The following ADAMTS2 variants were observed in gnomAD, a reference collection of about 807,000 sequenced individuals.
ADAMTS2 encodes the protein ADAM metallopeptidase with thrombospondin type 1 motif 2, also known as A disintegrin and metalloproteinase with thrombospondin motifs 2.
A neutral mutation model predicts 123.0 loss-of-function variants in ADAMTS2; 50 were observed. That is an observed-to-expected ratio of 0.41 (90% CI 0.32 to 0.51). ADAMTS2 has a LOEUF of 0.51. Among genes scored for constraint, ADAMTS2 ranks in the 20% least tolerant of loss-of-function variants. The probability of loss-of-function intolerance (pLI) is 0.35; values close to 1 mark genes in which losing one functional copy is unlikely to be tolerated. For synonymous variants in ADAMTS2, 678 were observed against 695.4 expected (o/e 0.98, Z 0.39); for missense variants, 1,494 against 1,705.2 (o/e 0.88, Z 2.18).
In ADAMTS2 at chr5:179,242,778, C is replaced by T. The variant is rs888689924; in HGVS notation, c.688+30133G>A. On this transcript the variant is annotated intron_variant, in intron 3 of 21. Coordinates refer to ENST00000251582, the MANE Select transcript of ADAMTS2 (RefSeq NM_014244.5). The surrounding 1 kb of genome is among the most constrained non-coding windows in gnomAD (Gnocchi z 4.2). ...TCCCTCAGATCCCAGTCAAGGAATA[C>T]AGTATTTCACCAGGATAGATGGGCC... 3.3e-5 allele frequency among the ~76,000 whole-genome samples: 5 copies of T among 152,100 alleles called. No individual in the cohort carries two copies. The highest frequency in any genetic ancestry group is 4.8e-5 in the African/African-American group (2 of 41,414).
At chr5:179,251,154 T>C (rs894096782) in intron 3 of ADAMTS2, among the ~76,000 whole-genome samples, 6 of 152,178 alleles carry the variant, frequency 3.9e-5, no homozygotes, top group Admixed American at 2.0e-4. Context: ...AATTGTGCCA[T>C]CTCTGAGCCT....
Position 179,272,804 on chromosome 5 carries a change from C to T in ADAMTS2, c.688+107G>A, listed in dbSNP as rs1766575583. 3 of 1,418,898 alleles carry T rather than the reference C, an allele frequency of 2.1e-6. No homozygotes were observed. The highest frequency in any genetic ancestry group is 1.9e-6 in the Non-Finnish European group (2 of 1,054,716). The allele number at this position is 1,418,898 out of a possible 1,614,324, so 87.9% of individuals were successfully genotyped here. The stretch of plus-strand genomic sequence containing the variant: ...CACTGAGACCGGGGCTCAGCCTCAG[C>T]AGCCAAGCTGGTCTGTGGAGAGCTG... On this transcript the variant is annotated intron_variant, in intron 3 of 21. Coordinates refer to ENST00000251582, the MANE Select transcript of ADAMTS2 (RefSeq NM_014244.5). The surrounding 1 kb of genome is among the most constrained non-coding windows in gnomAD (Gnocchi z 5.8).
chr5:179,179,234 A>G (rs1247939336), intron 5 of ADAMTS2, among the ~76,000 whole-genome samples: 1 of 147,380 alleles, frequency 6.8e-6, no homozygotes, highest in Non-Finnish European at 1.5e-5. Context: ...GGTGTGAGCG[A>G]CCATGCCTGG....
At chr5:179,211,816 G>T (rs1764856881) in intron 3 of ADAMTS2, among the ~76,000 whole-genome samples, 1 of 152,174 alleles carries the variant, frequency 6.6e-6, no homozygotes, top group Non-Finnish European at 1.5e-5. Flanking sequence ...GAGTCTCCAG[G>T]CAGGGGTGTG....
chr5:179,287,368 A>T (rs953453245), intron 2 of ADAMTS2, among the ~76,000 whole-genome samples: 8 of 152,190 alleles, frequency 5.3e-5, no homozygotes, highest in Non-Finnish European at 1.0e-4. Context: ...AGAATGCTGC[A>T]CAGCCGGTGG....
chr5:179,208,667 C>T (rs1050515792), intron 3 of ADAMTS2, among the ~76,000 whole-genome samples: 11 of 152,196 alleles, frequency 7.2e-5, no homozygotes, highest in African/African-American at 2.7e-4. Context: ...GTCTGAAGGC[C>T]ACAGCAAGGC....
chr5:179,255,169 GAATGAATGGATA>G (rs1020877211), intron 3 of ADAMTS2, among the ~76,000 whole-genome samples: 4 of 152,156 alleles, frequency 2.6e-5, no homozygotes, highest in African/African-American at 9.7e-5. Context: ...CACGATGGAT[GAATGAATGGATA>G]AATGATTGGA....
rs922847464 is a variant in ADAMTS2, at chr5:179,317,971, C to T, written c.534+25796G>A. On this transcript the variant is annotated intron_variant, in intron 2 of 21. Coordinates refer to ENST00000251582, the MANE Select transcript of ADAMTS2 (RefSeq NM_014244.5). This position sits in a 1 kb window ranked among gnomAD's most constrained non-coding sequence, Gnocchi z 4.9. ...TGGGGTGGAGCCGGGACATGAGGAA[C>T]GGGCAGTGATGAATCTGAAGCCCTG... is the stretch of plus-strand genomic sequence containing the variant. Among the ~76,000 whole-genome samples, 2 of 152,140 alleles carry T rather than the reference C, an allele frequency of 1.3e-5. No homozygotes were observed. The highest frequency in any genetic ancestry group is 4.1e-4 in the South Asian group (2 of 4,824).
rs187002178 is a variant in ADAMTS2 at position 179,234,990 on chromosome 5, G to A, written c.689-27275C>T. Among the ~76,000 whole-genome samples, 18 of 152,272 alleles carry A rather than the reference G, an allele frequency of 1.2e-4. No homozygotes were observed. The highest frequency in any genetic ancestry group is 9.8e-4 in the Admixed American group (15 of 15,288). On this transcript the variant is annotated intron_variant, in intron 3 of 21. Transcript: ENST00000251582. The surrounding 1 kb of genome is among the most constrained non-coding windows in gnomAD (Gnocchi z 4.7). ...AGGGACCTGCTCATGTTCCCGCAAC[G>A]CCCTTACAGCCATGGGTCCGAGAAA...
rs1055285449 is a variant in ADAMTS2, at chr5:179,175,812, A to C, written c.975+5260T>G. On this transcript the variant is annotated intron_variant, in intron 5 of 21. Transcript: ENST00000251582. The surrounding 1 kb of genome is among the most constrained non-coding windows in gnomAD (Gnocchi z 4.1). ...TAGGATTTTCAGAACCACAGTAACT[A>C]GTTTATGGGTCTTTTTTGTTTGTTT... Among the ~76,000 whole-genome samples, 2 of 152,176 alleles carry C rather than the reference A, an allele frequency of 1.3e-5. No homozygotes were observed. Among genetic ancestry groups the C allele is most frequent in the African/African-American group, 4.8e-5 (2 of 41,442 alleles).
Position 179,207,474 on chromosome 5 carries a change from C to CGG in ADAMTS2, c.891+38_891+39insCC. 1.4e-4 allele frequency: 129 copies of CGG among 927,292 alleles called. 3 individuals carry two copies. Among genetic ancestry groups the CGG allele is most frequent in the Non-Finnish European group, 2.0e-4 (111 of 567,554 alleles). 57.4% of individuals were successfully genotyped at this position (927,292 alleles called of 1,614,324 possible). ...TGGCCTGCCCAGCCCCTGGTTGACC[C>CGG]TCCCCGCCCCACCCTGCCCCCTCAG... On this transcript the variant is annotated intron_variant, in intron 4 of 21. Transcript: ENST00000251582.
chr5:179,191,357 C>T (rs1000453024), intron 4 of ADAMTS2, among the ~76,000 whole-genome samples: 13 of 152,280 alleles, frequency 8.5e-5, no homozygotes, highest in Non-Finnish European at 1.6e-4. Context: ...GGCCAGGGCT[C>T]GTGCCACCCC....
chr5:179,329,153 C>A (rs561797675), intron 2 of ADAMTS2, among the ~76,000 whole-genome samples: 9 of 152,174 alleles, frequency 5.9e-5, no homozygotes, highest in South Asian at 2.1e-4. Flanking sequence ...CGGTGAAACC[C>A]CGTCTCTACT....
intron 10 of ADAMTS2, among the ~76,000 whole-genome samples, chr5:179,141,108 C>A (rs1763160353): frequency 6.6e-6 from 1 of 152,148 alleles, no homozygotes; most frequent in Non-Finnish European, 1.5e-5. Context: ...AGCCACCGCG[C>A]CCGGCCGACT....
At position 179,155,523 on chromosome 5, in the gene ADAMTS2, G is replaced by A. The variant is rs1561781583; in HGVS notation, c.1133-604C>T. On this transcript the variant is annotated intron_variant, in intron 6 of 21. Coordinates refer to ENST00000251582, the MANE Select transcript of ADAMTS2 (RefSeq NM_014244.5). The surrounding 1 kb of genome is among the most constrained non-coding windows in gnomAD (Gnocchi z 5.1). ...ACTACCCTGCAGAATATCCCAGCAG[G>A]GGGCTGGCTGGTGCGGACTGGGAGG... 6.6e-6 allele frequency among the ~76,000 whole-genome samples: 1 copy of A among 152,198 alleles called. No individual in the cohort carries two copies. Among genetic ancestry groups the A allele is most frequent in the Non-Finnish European group, 1.5e-5 (1 of 68,032 alleles).
intron 2 of ADAMTS2, among the ~76,000 whole-genome samples, chr5:179,329,105 A>C (rs1004692498): frequency 4.6e-5 from 7 of 152,162 alleles, no homozygotes; most frequent in African/African-American, 1.7e-4. Context: ...AGGAGGGCGG[A>C]TCACGAGGTC....
intron 2 of ADAMTS2, among the ~76,000 whole-genome samples, chr5:179,319,788 G>C (rs1303582903): frequency 6.6e-6 from 1 of 151,934 alleles, no homozygotes; most frequent in Non-Finnish European, 1.5e-5. Context: ...CATGCGTGCA[G>C]ACTGGACTCA....
chr5:179,312,662 G>A lies in ADAMTS2; in HGVS notation c.534+31105C>T, dbSNP rs577891730. 2.0e-5 allele frequency among the ~76,000 whole-genome samples: 3 copies of A among 152,332 alleles called. No individual in the cohort carries two copies. Among genetic ancestry groups the A allele is most frequent in the African/African-American group, 7.2e-5 (3 of 41,574 alleles). On this transcript the variant is annotated intron_variant, in intron 2 of 21. Transcript: ENST00000251582. The surrounding 1 kb of genome is among the most constrained non-coding windows in gnomAD (Gnocchi z 4.2). ...TGAGCCAGGCAGAGGAGAAGGCCAC[G>A]TACAGGCAGAGCAGAGGGAGATGGA...
At chr5:179,217,794 A>AGACGGCACACTCACT (rs1189597143) in intron 3 of ADAMTS2, among the ~76,000 whole-genome samples, 1 of 91,174 alleles carries the variant, frequency 1.1e-5, no homozygotes, top group African/African-American at 3.8e-5. Context: ...GGGATGGCGC[A>AGACGGCACACTCACT]AGGGGGGGAT....
Sources: gnomAD v4.1 joint callset for allele counts (sites outside exome capture counted in the v4.1 genomes callset) on GRCh38, gnomAD v4.1.1 for gene constraint, Gnocchi (gnomAD v3.1) non-coding constraint, MANE v1.5 for transcripts, NCBI Gene and HGNC (gene_info 2026-07-23, HGNC 2026-07-21) for gene names.